Variants in TTC8 observed in about 807,000 individuals in gnomAD.
The protein encoded by TTC8 is tetratricopeptide repeat domain 8, also known as tetratricopeptide repeat protein 8.
TTC8 carries 47 observed loss-of-function variants against 72.5 expected under a neutral mutation model. That is an observed-to-expected ratio of 0.65 (90% CI 0.51 to 0.83). The LOEUF is 0.83. TTC8 is among the 40% of genes least tolerant of loss of function. The pLI, the probability that TTC8 is intolerant of heterozygous loss-of-function variation, is 0.00. For synonymous variants in TTC8, 199 were observed against 221.4 expected, an observed-to-expected ratio of 0.90 and a Z score of 0.90; for missense variants, 611 against 623.2, an observed-to-expected ratio of 0.98 and a Z score of 0.21.
chr14:88,867,748 A>G (rs553564015), intron 10 of TTC8, among the ~76,000 whole-genome samples: 1 of 152,344 alleles, frequency 6.6e-6, no homozygotes, highest in East Asian at 1.9e-4. Context: ...TTAAGTATAC[A>G]AGTATTCAAA....
intron 1 of TTC8, among the ~76,000 whole-genome samples, chr14:88,832,478 CTT>C (rs995921063): frequency 6.7e-6 from 1 of 149,196 alleles, no homozygotes; most frequent in Non-Finnish European, 1.5e-5. Flanking sequence ...GTCCAACTCT[CTT>C]TTTTTTTTAA....
chr14:88,877,560 A>G lies in TTC8; in HGVS notation c.*150A>G. 2 of 645,974 alleles carry G rather than the reference A, an allele frequency of 3.1e-6. No homozygotes were observed. The highest frequency in any genetic ancestry group is 2.7e-5 in the East Asian group (1 of 36,836). 40.0% of individuals were successfully genotyped at this position (645,974 alleles called of 1,614,324 possible). On this transcript the variant is annotated 3_prime_UTR_variant, in exon 15 of 15. Coordinates refer to ENST00000380656, the MANE Select transcript of TTC8 (RefSeq NM_144596.4). ...TTAAGGTGACACATAAGGGTGACAC[A>G]GAATGTGTAATGCAAATTTCATAGT...
At chr14:88,859,883 T>TATATAATATATAATATATTATATAA (rs1566850295) in intron 9 of TTC8, among the ~76,000 whole-genome samples, 2 of 119,274 alleles carry the variant, frequency 1.7e-5, no homozygotes, top group Non-Finnish European at 3.1e-5. Context: ...ATATTATATA[T>TATATAATATATAATATATTATATAA]TATATAATAT....
In TTC8 at chr14:88,871,875, G is replaced by T. The variant is rs1007116847; in HGVS notation, c.1224+152G>T. 5 of 844,946 alleles carry T rather than the reference G, an allele frequency of 5.9e-6. No homozygotes were observed. Among genetic ancestry groups the T allele is most frequent in the Non-Finnish European group, 9.5e-6 (5 of 526,940 alleles). 52.3% of individuals were successfully genotyped at this position (844,946 alleles called of 1,614,324 possible). ...GAGACCACCCTGGGCAACATAGTGG[G>T]ACTCTGTCTCTACAAAAAATTTAAA... On this transcript the variant is annotated intron_variant, in intron 12 of 14. Transcript: ENST00000380656. This position sits in a 1 kb window ranked among gnomAD's most constrained non-coding sequence, Gnocchi z 4.1.
At chr14:88,867,848 G>A (rs1169664104) in intron 10 of TTC8, among the ~76,000 whole-genome samples, 1 of 152,210 alleles carries the variant, frequency 6.6e-6, no homozygotes, top group East Asian at 1.9e-4. Flanking sequence ...TTTGGAAGCT[G>A]TAACACTGAA....
At chr14:88,865,116 T>A (rs1383585393) in intron 10 of TTC8, among the ~76,000 whole-genome samples, 3 of 152,240 alleles carry the variant, frequency 2.0e-5, no homozygotes, top group Non-Finnish European at 4.4e-5. Flanking sequence ...GGTATTTTGT[T>A]TATTCATTTC....
intron 1 of TTC8, 71 bp from the exon 2 acceptor site, chr14:88,833,622 G>A (rs118135059): frequency 0.018 from 24,983 of 1,363,932 alleles, 295 homozygotes; most frequent in Non-Finnish European, 0.023. Flanking sequence ...ATACTTGGTT[G>A]GTCCTTAGGA....
chr14:88,868,959 G>T (rs577986270), intron 10 of TTC8, among the ~76,000 whole-genome samples: 1 of 152,306 alleles, frequency 6.6e-6, no homozygotes, highest in South Asian at 2.1e-4. Context: ...ATCTGTGTAT[G>T]AGTATGTCTA....
At chr14:88,833,849 C>T in intron 2 of TTC8, 127 bp downstream of exon 2, 1 of 809,062 alleles carries the variant, frequency 1.2e-6, no homozygotes. Flanking sequence ...CCATATCTGT[C>T]AGACATTCTG....
At chr14:88,829,550 A>G (rs1470425886) in intron 1 of TTC8, among the ~76,000 whole-genome samples, 1 of 152,230 alleles carries the variant, frequency 6.6e-6, no homozygotes, top group Non-Finnish European at 1.5e-5. Context: ...TTTTTAAAAG[A>G]CAATATGCTT....
At chr14:88,870,874 G>A (rs565355678) in intron 11 of TTC8, among the ~76,000 whole-genome samples, 1 of 152,290 alleles carries the variant, frequency 6.6e-6, no homozygotes, top group Non-Finnish European at 1.5e-5. Flanking sequence ...ACCTGCAGCT[G>A]ACTCTACTCC....
intron 10 of TTC8, among the ~76,000 whole-genome samples, chr14:88,869,508 A>T (rs2094924695): frequency 6.6e-6 from 1 of 152,074 alleles, no homozygotes; most frequent in Non-Finnish European, 1.5e-5. Flanking sequence ...AGAAAAAAAA[A>T]AATCTGAAGT....
At chr14:88,853,079 G>A (rs1282659326) in intron 8 of TTC8, 23 bp downstream of exon 8, 4 of 1,584,298 alleles carry the variant, frequency 2.5e-6, no homozygotes, top group Non-Finnish European at 3.5e-6. Flanking sequence ...ATTTGTGAAG[G>A]GCTTAGAAGT....
At chr14:88,863,079 G>T (rs115653194) in intron 10 of TTC8, among the ~76,000 whole-genome samples, 7 of 151,566 alleles carry the variant, frequency 4.6e-5, no homozygotes, top group Non-Finnish European at 8.8e-5. Context: ...ATGATGGGGA[G>T]GGGGTGGGTG....
Position 88,841,301 on chromosome 14 carries a change from T to C in TTC8, c.489+105T>C, listed in dbSNP as rs2094780173. The C allele has an allele frequency of 3.8e-6, 6 of 1,585,034 alleles. No homozygotes were observed. In the Admixed American group the frequency reaches 1.1e-4, roughly 28 times the overall value. ...CCCCTGTTGTTATAGTGGAGAATTA[T>C]ATGGAAGATTTTTGAAGGTGATTAT... is the stretch of plus-strand genomic sequence containing the variant. On this transcript the variant is annotated intron_variant, in intron 5 of 14. Transcript: ENST00000380656.
intron 2 of TTC8, among the ~76,000 whole-genome samples, chr14:88,835,097 A>T (rs2094744504): frequency 6.6e-6 from 1 of 152,146 alleles, no homozygotes; most frequent in African/African-American, 2.4e-5. Context: ...CTAAGTTTTC[A>T]TTTTCATAGA....
chr14:88,870,388 A>G (rs1054120255), intron 11 of TTC8, among the ~76,000 whole-genome samples, 190 bp downstream of exon 11: 1 of 152,250 alleles, frequency 6.6e-6, no homozygotes, highest in Admixed American at 6.5e-5. Flanking sequence ...GATGTCTGGC[A>G]TCTTGCAGAA....
intron 2 of TTC8, among the ~76,000 whole-genome samples, chr14:88,835,427 C>A (rs183140120): frequency 3.3e-5 from 5 of 152,116 alleles, no homozygotes; most frequent in Non-Finnish European, 7.4e-5. Context: ...TAGACTAACT[C>A]AGTTGGTGAG....
chr14:88,869,180 C>T (rs755819320), intron 10 of TTC8, among the ~76,000 whole-genome samples: 3 of 152,168 alleles, frequency 2.0e-5, no homozygotes, highest in Non-Finnish European at 4.4e-5. Flanking sequence ...GGGAAATCTT[C>T]ATGAAGGATG....
Sources: gnomAD v4.1 joint callset for allele counts (sites outside exome capture counted in the v4.1 genomes callset) on GRCh38, gnomAD v4.1.1 for gene constraint, Gnocchi (gnomAD v3.1) non-coding constraint, MANE v1.5 for transcripts, NCBI Gene and HGNC (gene_info 2026-07-23, HGNC 2026-07-21) for gene names.